Variants in MGAM2 observed in about 807,000 individuals in gnomAD.
MGAM2 encodes maltase-glucoamylase 2 (putative), also known as probable maltase-glucoamylase 2.
MGAM2 carries 98 observed loss-of-function variants against 96.1 expected under a neutral mutation model. That is an observed-to-expected ratio of 1.02 (90% confidence interval 0.87 to 1.21). The LOEUF (loss-of-function observed/expected upper bound fraction) is 1.21. Among genes scored for constraint, MGAM2 ranks in the 50% most tolerant of loss-of-function variants. The pLI, the probability that MGAM2 is intolerant of heterozygous loss-of-function variation, is 0.00. For missense variants in MGAM2, 2,055 were observed against 1,182.4 expected, an observed-to-expected ratio of 1.74 and a Z score of -10.82; for synonymous variants, 749 against 414.8, an observed-to-expected ratio of 1.81 and a Z score of -9.79.
intron 27 of MGAM2, 181 bp from the exon 28 acceptor site, chr7:142,171,091 A>C: frequency 1.6e-6 from 1 of 641,876 alleles, no homozygotes; most frequent in Non-Finnish European, 2.9e-6. Flanking sequence ...GAAATCTAAC[A>C]TGGAACTTTG....
rs57967255 is a variant in MGAM2, at chr7:142,111,998, C to CTGTGTGTGTG, written c.-1+228_-1+237dup. 1.8e-3 allele frequency among the ~76,000 whole-genome samples: 238 copies of CTGTGTGTGTG among 133,676 alleles called. 3 individuals carry two copies. The highest frequency in any genetic ancestry group is 1.9e-3 in the Non-Finnish European group (120 of 62,558). 87.7% of individuals were successfully genotyped at this position (133,676 alleles called of 152,430 possible). The stretch of plus-strand genomic sequence containing the variant: ...TGAGATAGTTGATGGAGAGGAGAGA[C>CTGTGTGTGTG]TGTGTGTGTGTGTGTGTGTGTGTGT... On this transcript the variant is annotated intron_variant, in intron 1 of 47. Coordinates refer to ENST00000477922, the MANE Select transcript of MGAM2 (RefSeq NM_001293626.2).
intron 32 of MGAM2, among the ~76,000 whole-genome samples, chr7:142,179,208 T>C (rs971848075): frequency 4.6e-5 from 7 of 152,228 alleles, no homozygotes; most frequent in African/African-American, 1.4e-4. Context: ...ATTAATTTTG[T>C]ATCTTGAAAC....
chr7:142,136,238 A>T (rs1795057115), intron 7 of MGAM2, among the ~76,000 whole-genome samples: 1 of 152,200 alleles, frequency 6.6e-6, no homozygotes, highest in African/African-American at 2.4e-5. Flanking sequence ...ATGAAATCAT[A>T]CAATATATGG....
At chr7:142,167,178 G>A in intron 25 of MGAM2, 90 bp from the exon 26 acceptor site, 3 of 606,594 alleles carry the variant, frequency 4.9e-6, no homozygotes, top group Non-Finnish European at 8.9e-6. Flanking sequence ...CATGGTATTA[G>A]AGACTTAGTC....
At chr7:142,143,672 G>A (rs577577410) in intron 12 of MGAM2, 97 bp from the exon 13 acceptor site, 2 of 450,550 alleles carry the variant, frequency 4.4e-6, no homozygotes, top group East Asian at 6.3e-5. Flanking sequence ...TTTCTAAAAT[G>A]ACAGCAAAAT....
intron 45 of MGAM2, chr7:142,208,287 C>G: frequency 1.8e-6 from 1 of 550,370 alleles, no homozygotes; most frequent in Non-Finnish European, 3.5e-6. Flanking sequence ...AATAACCAAA[C>G]AGTAGTCTCC....
Position 142,158,293 on chromosome 7 carries a change from A to G in MGAM2, c.2124A>G (p.Leu708=), listed in dbSNP as rs957667981. 2.3e-5 allele frequency: 16 copies of G among 702,864 alleles called. No homozygotes were observed. The African/African-American group carries it at 2.8e-4, about 12-fold the overall frequency. The allele number at this position is 702,864 out of a possible 1,614,324, so 43.5% of individuals were successfully genotyped here. Residue 708 remains leucine (L), a synonymous_variant, in exon 19 of 48, where the codon TTA becomes TTG. Transcript: ENST00000477922. ...SATWDVHEQF[L]WGPGLLITPV... ...CGTGGGATGTGCATGAGCAGTTCTTATGGGGACCTGGACTCCTCATCACGC... is the reference window on the plus strand; with the variant it reads ...CGTGGGATGTGCATGAGCAGTTCTTGTGGGGACCTGGACTCCTCATCACGC...
intron 27 of MGAM2, 138 bp from the exon 28 acceptor site, chr7:142,171,134 T>C: frequency 1.5e-6 from 1 of 688,748 alleles, no homozygotes; most frequent in Non-Finnish European, 2.7e-6. Context: ...ATGACCTGGG[T>C]CATGTCACAG....
chr7:142,189,383 C>T lies in MGAM2; in HGVS notation c.4224C>T (p.Asp1408=). 1.4e-6 allele frequency: 1 copy of T among 706,332 alleles called. No homozygotes were observed. The allele number at this position is 706,332 out of a possible 1,614,324, so 43.8% of individuals were successfully genotyped here. ...TCCCCTCAGATTTGGAATCTAGGGA[C>T]AAGGGCCTGAGCAGCAAGACTCTGT... ...PPYMPYLESR[D]KGLSSKTLCM... The change falls in exon 37 of 48, where the codon GAC becomes GAT. Residue 1408 remains aspartate (D), a synonymous_variant. Coordinates refer to ENST00000477922, the MANE Select transcript of MGAM2 (RefSeq NM_001293626.2).
intron 45 of MGAM2, among the ~76,000 whole-genome samples, chr7:142,205,222 T>C (rs1286551512): frequency 6.6e-6 from 1 of 152,108 alleles, no homozygotes; most frequent in Non-Finnish European, 1.5e-5. Context: ...GACATTTGGG[T>C]TGTTTCCACT....
intron 22 of MGAM2, among the ~76,000 whole-genome samples, chr7:142,161,645 A>G (rs936126219): frequency 2.0e-5 from 3 of 152,350 alleles, no homozygotes; most frequent in African/African-American, 7.2e-5. Context: ...CCTGTCCTAC[A>G]TGGAATTAGT....
Position 142,116,868 on chromosome 7 carries a change from A to G in MGAM2, c.1-6A>G, listed in dbSNP as rs1199482344. The stretch of plus-strand genomic sequence containing the variant: ...TGTTTTAACCCAATTATCTGTGTCT[A>G]TCTAGATGGCGAGGAAGCTCAGTGT... On this transcript the variant is annotated splice_polypyrimidine_tract_variant and splice_region_variant and intron_variant, in intron 1 of 47. Transcript: ENST00000477922. 5 of 703,402 alleles carry G rather than the reference A, an allele frequency of 7.1e-6. No individual in the cohort carries two copies. Among genetic ancestry groups the G allele is most frequent in the Admixed American group, 2.0e-5 (1 of 49,990 alleles). 43.6% of individuals were successfully genotyped at this position (703,402 alleles called of 1,614,324 possible).
At chr7:142,134,552 C>G (rs1794999530) in intron 7 of MGAM2, among the ~76,000 whole-genome samples, 1 of 152,132 alleles carries the variant, frequency 6.6e-6, no homozygotes, top group Non-Finnish European at 1.5e-5. Flanking sequence ...AGCTTTCATA[C>G]TGTTCTAGGT....
At position 142,164,365 on chromosome 7, in the gene MGAM2, G is replaced by A. The variant is rs137926444; in HGVS notation, c.2485-491G>A. On this transcript the variant is annotated intron_variant, in intron 23 of 47. Transcript: ENST00000477922. ...TATAGCTTCAACCTCATAGCCTGCCGTGAAAACTGAATGAAGTAATACATG... is the reference window on the plus strand; with the variant it reads ...TATAGCTTCAACCTCATAGCCTGCCATGAAAACTGAATGAAGTAATACATG... Among the ~76,000 whole-genome samples, 616 of 152,268 alleles carry A rather than the reference G, an allele frequency of 4.0e-3. 4 individuals carry two copies. Among genetic ancestry groups the A allele is most frequent in the African/African-American group, 0.014 (600 of 41,546 alleles).
Position 142,199,880 on chromosome 7 carries a change from TCG to T in MGAM2, c.5050_5051del (p.Arg1684ThrfsTer12). The T allele has an allele frequency of 1.5e-6, 1 of 662,692 alleles. No homozygotes were observed. Among genetic ancestry groups the T allele is most frequent in the Admixed American group, 2.4e-5 (1 of 42,310 alleles). 41.1% of individuals were successfully genotyped at this position (662,692 alleles called of 1,614,324 possible). On this transcript the variant is annotated frameshift_variant and splice_region_variant, in exon 45 of 48. Coordinates refer to ENST00000477922, the MANE Select transcript of MGAM2 (RefSeq NM_001293626.2). LOFTEE classifies it high-confidence loss of function. ...TAACTCTTTTTTTTTTTTTTGGTAG[TCG>T]ACAAAATTTTATGGGATTGATTGTT... is the stretch of plus-strand genomic sequence containing the variant. ...QEPAMNTHSSRQNFMGLIVAL... is the reference protein window; with the variant it reads ...QEPAMNTHSSXQNFMGLIVAL...
At position 142,148,209 on chromosome 7, in the gene MGAM2, A is replaced by C. The variant is rs1563260368; in HGVS notation, c.1634+636A>C. Among the ~76,000 whole-genome samples the C allele has an allele frequency of 6.6e-6, 1 of 151,496 alleles. No individual in the cohort carries two copies. Among genetic ancestry groups the C allele is most frequent in the East Asian group, 1.9e-4 (1 of 5,166 alleles). ...TACCACCATTATTGCCATCACCACC[A>C]CCATCACTACCACTACTATCACCAT... On this transcript the variant is annotated intron_variant, in intron 15 of 47. Coordinates refer to ENST00000477922, the MANE Select transcript of MGAM2 (RefSeq NM_001293626.2). The surrounding 1 kb of genome is among the most constrained non-coding windows in gnomAD (Gnocchi z 4.2).
At position 142,114,224 on chromosome 7, in the gene MGAM2, A is replaced by AAGAAAGAAAGAG. The variant is rs1554499608; in HGVS notation, c.-1+2426_-1+2427insGAGAGAAAGAAA. 1.9e-3 allele frequency among the ~76,000 whole-genome samples: 263 copies of AAGAAAGAAAGAG among 136,972 alleles called. 1 individual carries two copies. Among genetic ancestry groups the AAGAAAGAAAGAG allele is most frequent in the Non-Finnish European group, 3.2e-3 (200 of 62,868 alleles). 89.9% of individuals were successfully genotyped at this position (136,972 alleles called of 152,430 possible). A position where few individuals can be genotyped will look rare whatever the true frequency, so the allele number is the denominator to read the frequency against. ...AAAGAAAGAAAGAAAGAGAGAAAGA[A>AAGAAAGAAAGAG]AGAAAGAAATAGGAGACTACAAAGA... On this transcript the variant is annotated intron_variant, in intron 1 of 47. Transcript: ENST00000477922.
At chr7:142,186,958 AT>A (rs11336255) in intron 35 of MGAM2, among the ~76,000 whole-genome samples, 85,903 of 148,076 alleles carry the variant, frequency 0.58, 24,654 homozygotes, top group East Asian at 0.77. Context: ...CTGGGGTAGT[AT>A]TTTTTTTTTT....
At position 142,167,478 on chromosome 7, in the gene MGAM2, C is replaced by A. The variant is rs1242820028; in HGVS notation, c.3019C>A (p.Gln1007Lys). The change falls in exon 26 of 48, where the codon CAG becomes AAG. Residue 1007 changes from glutamine to lysine, a missense_variant. Transcript: ENST00000477922. ...GATCTATCACACAGCAACCATGCTG[C>A]AGGTCAAGGTAAGGCCCATGTTGCA... ...KVIYHTATML[Q>K]VKIYDPTNKR... 1 of 703,042 alleles carries A rather than the reference C, an allele frequency of 1.4e-6. No individual in the cohort carries two copies. Among genetic ancestry groups the A allele is most frequent in the Admixed American group, 2.0e-5 (1 of 50,022 alleles). 43.6% of individuals were successfully genotyped at this position (703,042 alleles called of 1,614,324 possible). A position where few individuals can be genotyped will look rare whatever the true frequency, so the allele number is the denominator to read the frequency against.
Sources: gnomAD v4.1 joint callset for allele counts (sites outside exome capture counted in the v4.1 genomes callset) on GRCh38, gnomAD v4.1.1 for gene constraint, Gnocchi (gnomAD v3.1) non-coding constraint, MANE v1.5 for transcripts, NCBI Gene and HGNC (gene_info 2026-07-23, HGNC 2026-07-21) for gene names.